HMGCLL1: variants seen among roughly 807,000 people sequenced by gnomAD.
HMGCLL1 encodes the protein 3-hydroxy-3-methylglutaryl-CoA lyase like 1.
A neutral mutation model predicts 39.1 loss-of-function variants in HMGCLL1; 36 were observed. The observed-to-expected ratio is 0.92, with a 90% confidence interval of 0.71 to 1.22. The LOEUF is 1.22. Ranked by LOEUF, HMGCLL1 falls within the 50% of genes most tolerant of loss-of-function variation. The probability of loss-of-function intolerance (pLI) is 0.00; values close to 1 mark genes in which losing one functional copy is unlikely to be tolerated. For missense variants in HMGCLL1, 451 were observed against 416.5 expected (o/e 1.08, Z -0.72); for synonymous variants, 149 against 144.0 (o/e 1.03, Z -0.25).
At chr6:55,668,131 C>T in the HMGCLL1 span, among the ~76,000 whole-genome samples, 496 of 151,966 alleles carry the variant, frequency 3.3e-3, 4 homozygotes, top group African/African-American at 0.011. Flanking sequence ...GTGACTTGAG[C>T]AAGAAGGCAT....
chr6:55,624,774 A>G, the HMGCLL1 span, among the ~76,000 whole-genome samples: 131 of 152,264 alleles, frequency 8.6e-4, no homozygotes, highest in African/African-American at 3.1e-3. Flanking sequence ...TCTTACTAAG[A>G]TGAAGGATAA....
the HMGCLL1 span, among the ~76,000 whole-genome samples, chr6:55,673,411 A>G: frequency 6.6e-6 from 1 of 152,010 alleles, no homozygotes; most frequent in East Asian, 1.9e-4. Flanking sequence ...TACCAATATT[A>G]CAAAAAAATG....
chr6:55,435,732 C>T lies in HMGCLL1; in HGVS notation c.953G>A (p.Gly318Asp). 1 of 1,603,220 alleles carries T rather than the reference C, an allele frequency of 6.2e-7. No individual in the cohort carries two copies. Among genetic ancestry groups the T allele is most frequent in the Non-Finnish European group, 8.5e-7 (1 of 1,173,238 alleles). ...ATTCACAGCTTTGCAAATAAAGTCACCAGCTTCCATCACTTTGTATAGATT... is the reference window on the plus strand; with the variant it reads ...ATTCACAGCTTTGCAAATAAAGTCATCAGCTTCCATCACTTTGTATAGATT... ...GVNLYKVMEA[G>D]DFICKAVNKT... Residue 318 changes from glycine (G) to aspartate (D), a missense_variant, in exon 9 of 9, where the codon GGT (glycine) becomes GAT (aspartate). Coordinates refer to ENST00000274901, the MANE Select transcript of HMGCLL1 (RefSeq NM_001042406.2).
chr6:55,440,370 A>G (rs965916802), intron 7 of HMGCLL1, among the ~76,000 whole-genome samples: 1 of 149,828 alleles, frequency 6.7e-6, no homozygotes, highest in Non-Finnish European at 1.5e-5. Context: ...GTCTCCAGGG[A>G]ATCTACACTC....
At chr6:55,559,948 G>A (rs1271232937) in intron 1 of HMGCLL1, among the ~76,000 whole-genome samples, 8 of 152,022 alleles carry the variant, frequency 5.3e-5, no homozygotes, top group African/African-American at 1.7e-4. Context: ...GAACCTTTAA[G>A]GAAAAAATAA....
chr6:55,579,364 C>A, upstream of HMGCLL1: 1 of 474,744 alleles, frequency 2.1e-6, no homozygotes, highest in Non-Finnish European at 3.9e-6. Flanking sequence ...CCGCACTACA[C>A]TGAGCGCCCA....
intron 3 of HMGCLL1, among the ~76,000 whole-genome samples, chr6:55,519,581 G>T (rs920826945): frequency 6.6e-6 from 1 of 151,872 alleles, no homozygotes; most frequent in African/African-American, 2.4e-5. Context: ...ATTACAAAAA[G>T]AAAATAAGCA....
chr6:55,523,017 T>A (rs775179997), intron 3 of HMGCLL1, among the ~76,000 whole-genome samples: 1 of 152,038 alleles, frequency 6.6e-6, no homozygotes, highest in Non-Finnish European at 1.5e-5. Flanking sequence ...CAAAATTATA[T>A]AACTTGACCA....
the HMGCLL1 span, among the ~76,000 whole-genome samples, chr6:55,598,523 A>G: frequency 6.6e-6 from 1 of 152,202 alleles, no homozygotes; most frequent in Non-Finnish European, 1.5e-5. Flanking sequence ...ACATAGCTGA[A>G]AGCATTGAAA....
chr6:55,523,475 T>C (rs1415826249), intron 3 of HMGCLL1, among the ~76,000 whole-genome samples: 1 of 151,980 alleles, frequency 6.6e-6, no homozygotes. Flanking sequence ...TCTCCTGCAA[T>C]GGTCTTCAAG....
intron 8 of HMGCLL1, among the ~76,000 whole-genome samples, chr6:55,438,929 C>T (rs1339768824): frequency 6.6e-6 from 1 of 151,976 alleles, no homozygotes; most frequent in Non-Finnish European, 1.5e-5. Context: ...GTACAACTTG[C>T]AAAGAGACTA....
chr6:55,501,260 G>A (rs1454838719), intron 5 of HMGCLL1, among the ~76,000 whole-genome samples: 1 of 151,856 alleles, frequency 6.6e-6, no homozygotes, highest in Non-Finnish European at 1.5e-5. Flanking sequence ...TTCTAAAGCA[G>A]AGGTTGGTAC....
At chr6:55,659,121 C>G in the HMGCLL1 span, among the ~76,000 whole-genome samples, 5 of 151,746 alleles carry the variant, frequency 3.3e-5, no homozygotes, top group African/African-American at 4.8e-5. Context: ...AATACCATAT[C>G]GTATATGGGT....
At chr6:55,574,071 A>G (rs1166152705) in intron 1 of HMGCLL1, among the ~76,000 whole-genome samples, 2 of 152,056 alleles carry the variant, frequency 1.3e-5, no homozygotes, top group Admixed American at 6.6e-5. Context: ...GATAAAACTT[A>G]TGTTTATAGT....
intron 7 of HMGCLL1, among the ~76,000 whole-genome samples, chr6:55,452,652 A>G (rs570525744): frequency 6.6e-6 from 1 of 152,294 alleles, no homozygotes; most frequent in East Asian, 1.9e-4. Context: ...GGTAAAGCTG[A>G]GATTCAGAAT....
At chr6:55,531,202 T>G (rs1259260603) in intron 3 of HMGCLL1, among the ~76,000 whole-genome samples, 4 of 152,326 alleles carry the variant, frequency 2.6e-5, no homozygotes, top group African/African-American at 7.2e-5. Flanking sequence ...ATACTCTGCA[T>G]TTCCCAAAGT....
intron 1 of HMGCLL1, among the ~76,000 whole-genome samples, chr6:55,578,400 A>C (rs1771858647): frequency 6.6e-6 from 1 of 152,212 alleles, no homozygotes; most frequent in South Asian, 2.1e-4. Context: ...TGTGGGAATA[A>C]ATTTTAGTCT....
At chr6:55,516,414 C>T (rs1767738783) in intron 4 of HMGCLL1, 94 bp downstream of exon 4, 3 of 710,616 alleles carry the variant, frequency 4.2e-6, no homozygotes, top group Middle Eastern at 2.5e-4. Context: ...ATTTGTATTA[C>T]AGATGAGTTA....
At position 55,578,940 on chromosome 6, in the gene HMGCLL1, G is replaced by A. The variant is rs1190928416; in HGVS notation, c.108+8C>T. 1.9e-6 allele frequency: 3 copies of A among 1,602,216 alleles called. No individual in the cohort carries two copies. Among genetic ancestry groups the A allele is most frequent in the South Asian group, 1.1e-5 (1 of 89,990 alleles). On this transcript the variant is annotated splice_region_variant and intron_variant, in intron 1 of 8. Transcript: ENST00000274901. ...AGGGTGGGGACACCCTGGGCCGCGA[G>A]GTGGTACCTGCGCGGGGTCGAGCGC... is the stretch of plus-strand genomic sequence containing the variant.
Sources: gnomAD v4.1 joint callset for allele counts (sites outside exome capture counted in the v4.1 genomes callset) on GRCh38, gnomAD v4.1.1 for gene constraint, MANE v1.5 for transcripts, NCBI Gene and HGNC (gene_info 2026-07-23, HGNC 2026-07-21) for gene names.